The following MCM9 variants were observed in gnomAD, a reference collection of about 807,000 sequenced individuals.
MCM9 encodes minichromosome maintenance 9 homologous recombination repair factor, also known as DNA helicase MCM9.
A neutral mutation model predicts 72.8 loss-of-function variants in MCM9; 55 were observed. The observed-to-expected ratio is 0.76, with a 90% CI of 0.61 to 0.95. MCM9 has a LOEUF of 0.95. Among genes scored for constraint, MCM9 ranks in the 40% least tolerant of loss-of-function variants. The pLI, the probability that MCM9 is intolerant of heterozygous loss-of-function variation, is 0.00. For synonymous variants in MCM9, 480 were observed against 503.4 expected (o/e 0.95, Z 0.62); for missense variants, 1,279 against 1,377.0 (o/e 0.93, Z 1.13).
At chr6:118,908,348 C>T (rs916854554) in intron 8 of MCM9, 9 of 152,148 alleles carry the variant, frequency 5.9e-5, no homozygotes, top group South Asian at 2.1e-4. Context: ...AGACCAAATA[C>T]AATATCGGGA....
At chr6:118,847,771 T>C (rs751700390) in intron 9 of MCM9, among the ~76,000 whole-genome samples, 1 of 151,746 alleles carries the variant, frequency 6.6e-6, no homozygotes, top group African/African-American at 2.4e-5. Context: ...AACTGAGACA[T>C]AGTCTAGTAA....
At chr6:118,846,031 T>C (rs181868567) in intron 9 of MCM9, among the ~76,000 whole-genome samples, 3 of 151,904 alleles carry the variant, frequency 2.0e-5, no homozygotes, top group Admixed American at 6.6e-5. Flanking sequence ...CTATATGTGG[T>C]TCAGAAATGA....
intron 8 of MCM9, among the ~76,000 whole-genome samples, chr6:118,909,365 T>C (rs576775573): frequency 1.3e-5 from 2 of 152,352 alleles, no homozygotes; most frequent in African/African-American, 4.8e-5. Flanking sequence ...TCACTTAAGC[T>C]TGGGACATGC....
chr6:118,880,746 T>C (rs1176012130), intron 8 of MCM9, among the ~76,000 whole-genome samples: 1 of 152,230 alleles, frequency 6.6e-6, no homozygotes, highest in Non-Finnish European at 1.5e-5. Flanking sequence ...ATAGGGAAGT[T>C]AGTAGAAGGC....
intron 3 of MCM9, among the ~76,000 whole-genome samples, chr6:118,925,326 C>T (rs1438347926): frequency 6.6e-6 from 1 of 152,140 alleles, no homozygotes; most frequent in Non-Finnish European, 1.5e-5. Context: ...AAGGCCCATC[C>T]ATCAGATTGT....
chr6:118,843,708 G>GTA (rs1562407294), intron 9 of MCM9, among the ~76,000 whole-genome samples: 32 of 59,132 alleles, frequency 5.4e-4, no homozygotes, highest in South Asian at 2.3e-3. Flanking sequence ...ATATATGTAT[G>GTA]TATATATATA....
intron 9 of MCM9, among the ~76,000 whole-genome samples, chr6:118,840,868 G>T (rs1775319443): frequency 1.3e-5 from 2 of 151,350 alleles, no homozygotes; most frequent in African/African-American, 4.9e-5. Flanking sequence ...CTCCTGTGTA[G>T]CTGAGACTAC....
chr6:118,933,869 C>T (rs181899480), intron 1 of MCM9, among the ~76,000 whole-genome samples: 1 of 146,454 alleles, frequency 6.8e-6, no homozygotes, highest in Non-Finnish European at 1.5e-5. Context: ...ACGGCCTCCA[C>T]GGTAATTTGT....
chr6:118,892,024 C>A (rs777046324), intron 8 of MCM9, among the ~76,000 whole-genome samples: 1 of 152,180 alleles, frequency 6.6e-6, no homozygotes, highest in Non-Finnish European at 1.5e-5. Context: ...CCTCTGAAAC[C>A]AGAGAGAGGC....
Position 118,815,701 on chromosome 6 carries a change from C to A in MCM9, c.2555G>T (p.Cys852Phe). The change falls in exon 14 of 14, where the codon TGC becomes TTC. Residue 852 changes from cysteine (C) to phenylalanine (F), a missense_variant. Transcript: ENST00000619706. ...GCACAACTTCTGGGCCCTCTCTTTG[C>A]ACAGCTTCTGCAGGTTCCTGGGGAC... ...HHVPRNLQKL[C>F]KERAQKLCRN... 6.5e-7 allele frequency: 1 copy of A among 1,547,764 alleles called. No homozygotes were observed.
At chr6:118,909,654 T>C (rs1445971922) in intron 8 of MCM9, among the ~76,000 whole-genome samples, 1 of 152,196 alleles carries the variant, frequency 6.6e-6, no homozygotes, top group Non-Finnish European at 1.5e-5. Flanking sequence ...TGAGAAAACA[T>C]TCCAGAGGTC....
intron 8 of MCM9, chr6:118,894,261 AAAT>A (rs1281165247): frequency 1.4e-6 from 2 of 1,456,126 alleles, no homozygotes; most frequent in Admixed American, 2.6e-5. Flanking sequence ...GCTCCCGTGT[AAAT>A]AAAAAGAGGA....
At chr6:118,822,631 C>G (rs1262632062) in intron 13 of MCM9, among the ~76,000 whole-genome samples, 1 of 152,198 alleles carries the variant, frequency 6.6e-6, no homozygotes, top group Non-Finnish European at 1.5e-5. Context: ...TGTCCCTTAG[C>G]AGAGTGTGCT....
At chr6:118,859,881 T>C (rs1380616153) in intron 8 of MCM9, among the ~76,000 whole-genome samples, 1 of 152,214 alleles carries the variant, frequency 6.6e-6, no homozygotes, top group Admixed American at 6.5e-5. Context: ...AGTCATCTGG[T>C]ACCACCCAAG....
chr6:118,926,384 C>G (rs1781895121), intron 3 of MCM9, among the ~76,000 whole-genome samples: 1 of 152,140 alleles, frequency 6.6e-6, no homozygotes, highest in Non-Finnish European at 1.5e-5. Flanking sequence ...TAAGTGTTGA[C>G]TATTTCATGT....
chr6:118,882,111 C>G (rs148821224), intron 8 of MCM9, among the ~76,000 whole-genome samples: 16,834 of 152,190 alleles, frequency 0.11, 1,079 homozygotes, highest in South Asian at 0.16. Context: ...GAGGATCTAC[C>G]CTAGGTGTGA....
intron 6 of MCM9, among the ~76,000 whole-genome samples, chr6:118,914,387 G>A (rs1487474570): frequency 6.6e-6 from 1 of 152,104 alleles, no homozygotes; most frequent in African/African-American, 2.4e-5. Flanking sequence ...AGCCATTCCT[G>A]AGCCTTTCCA....
At chr6:118,916,299 C>T (rs1780940904) in intron 6 of MCM9, among the ~76,000 whole-genome samples, 1 of 150,268 alleles carries the variant, frequency 6.7e-6, no homozygotes. Context: ...ACTTTTGCTT[C>T]TTTCAATACA....
intron 9 of MCM9, among the ~76,000 whole-genome samples, chr6:118,839,945 C>T (rs940387657): frequency 1.2e-4 from 18 of 152,242 alleles, no homozygotes; most frequent in African/African-American, 3.1e-4. Flanking sequence ...AGAGCTCGAG[C>T]GCTGTGCTGG....
Sources: gnomAD v4.1 joint callset for allele counts (sites outside exome capture counted in the v4.1 genomes callset) on GRCh38, gnomAD v4.1.1 for gene constraint, MANE v1.5 for transcripts, NCBI Gene and HGNC (gene_info 2026-07-23, HGNC 2026-07-21) for gene names.